SPIDR: variants seen among roughly 807,000 people sequenced by gnomAD.
The protein encoded by SPIDR is scaffold protein involved in DNA repair, also known as DNA repair-scaffolding protein.
In SPIDR, 93 loss-of-function variants were observed where a neutral mutation model predicts 104.6. The ratio of observed to expected loss-of-function variants is 0.89; its 90% CI spans 0.75 to 1.06. The LOEUF (loss-of-function observed/expected upper bound fraction) is 1.06. Ranked by LOEUF, SPIDR falls within the 50% of genes least tolerant of loss-of-function variation. The probability of loss-of-function intolerance (pLI) is 0.00; values close to 1 mark genes in which losing one functional copy is unlikely to be tolerated. For synonymous variants in SPIDR, 431 were observed against 416.9 expected (o/e 1.03, Z -0.41); for missense variants, 1,154 against 1,111.2 (o/e 1.04, Z -0.55).
intron 11 of SPIDR, among the ~76,000 whole-genome samples, chr8:47,676,138 C>T (rs779966072): frequency 1.2e-4 from 18 of 152,216 alleles, no homozygotes; most frequent in Non-Finnish European, 2.2e-4. Flanking sequence ...TATAGCCATA[C>T]ATGTACCTAA....
chr8:47,297,205 T>A (rs2041014112), intron 5 of SPIDR, among the ~76,000 whole-genome samples: 2 of 152,190 alleles, frequency 1.3e-5, no homozygotes, highest in African/African-American at 4.8e-5. Context: ...CCTTTATTTC[T>A]TTCTCTTGCC....
At chr8:47,731,909 C>A (rs1233760390) in intron 19 of SPIDR, among the ~76,000 whole-genome samples, 2 of 152,220 alleles carry the variant, frequency 1.3e-5, no homozygotes, top group Non-Finnish European at 2.9e-5. Flanking sequence ...ATTAGAAACG[C>A]CCCTGTTTGA....
intron 11 of SPIDR, among the ~76,000 whole-genome samples, chr8:47,694,472 A>T (rs1337532857): frequency 6.6e-6 from 1 of 152,188 alleles, no homozygotes; most frequent in Non-Finnish European, 1.5e-5. Context: ...AAAAAAATAA[A>T]AATGAATGAG....
At chr8:47,464,881 G>T (rs2074526721) in intron 8 of SPIDR, among the ~76,000 whole-genome samples, 1 of 152,020 alleles carries the variant, frequency 6.6e-6, no homozygotes, top group Non-Finnish European at 1.5e-5. Flanking sequence ...TGATTCTCCT[G>T]CCTCAGCCTC....
At chr8:47,283,433 A>G (rs2038207849) in intron 2 of SPIDR, among the ~76,000 whole-genome samples, 1 of 152,232 alleles carries the variant, frequency 6.6e-6, no homozygotes, top group South Asian at 2.1e-4. Context: ...ATCACAGACC[A>G]TCATAGCAGA....
chr8:47,528,253 C>T (rs952781047), intron 8 of SPIDR: 10 of 152,230 alleles, frequency 6.6e-5, no homozygotes, highest in South Asian at 4.1e-4. Flanking sequence ...CCTAGAAGTC[C>T]AGCATCTGCT....
chr8:47,462,084 G>C (rs937178303), intron 8 of SPIDR, among the ~76,000 whole-genome samples: 1 of 152,118 alleles, frequency 6.6e-6, no homozygotes, highest in Non-Finnish European at 1.5e-5. Flanking sequence ...CTAGTGTTCA[G>C]ATTCTTTTGT....
intron 8 of SPIDR, among the ~76,000 whole-genome samples, chr8:47,496,323 G>GT (rs769359914): frequency 6.6e-6 from 1 of 152,170 alleles, no homozygotes; most frequent in East Asian, 1.9e-4. Context: ...TCTGATGTTA[G>GT]TTGTAGGGCT....
At chr8:47,327,365 C>A (rs1554600970) in intron 5 of SPIDR, among the ~76,000 whole-genome samples, 1 of 148,278 alleles carries the variant, frequency 6.7e-6, no homozygotes. Flanking sequence ...CAAATGTTTT[C>A]TCATATTCAG....
At chr8:47,381,646 T>C (rs966773446) in intron 5 of SPIDR, among the ~76,000 whole-genome samples, 2 of 152,136 alleles carry the variant, frequency 1.3e-5, no homozygotes, top group South Asian at 4.1e-4. Flanking sequence ...TGGTCAGTAA[T>C]TGGGTGGGAG....
intron 8 of SPIDR, among the ~76,000 whole-genome samples, chr8:47,451,560 G>A (rs1554706003): frequency 6.8e-6 from 1 of 146,908 alleles, no homozygotes; most frequent in Non-Finnish European, 1.5e-5. Context: ...CAGCCTAGGC[G>A]ACATTGTGAA....
intron 5 of SPIDR, among the ~76,000 whole-genome samples, chr8:47,343,659 A>G (rs1554615433): frequency 1.3e-5 from 2 of 152,158 alleles, no homozygotes; most frequent in Non-Finnish European, 2.9e-5. Context: ...CATGGGTTTT[A>G]TACTCTAGGG....
At chr8:47,506,603 C>A (rs1266515891) in intron 8 of SPIDR, among the ~76,000 whole-genome samples, 2 of 152,072 alleles carry the variant, frequency 1.3e-5, no homozygotes, top group Non-Finnish European at 2.9e-5. Flanking sequence ...ACTTGCCACA[C>A]CGAGAGAGGA....
chr8:47,508,429 T>A (rs892967519), intron 8 of SPIDR, among the ~76,000 whole-genome samples: 4 of 152,234 alleles, frequency 2.6e-5, no homozygotes, highest in Admixed American at 2.6e-4. Flanking sequence ...TATAATCCAC[T>A]GTCATTCTCA....
intron 16 of SPIDR, among the ~76,000 whole-genome samples, chr8:47,721,708 C>T (rs1228218463): frequency 6.6e-6 from 1 of 152,130 alleles, no homozygotes; most frequent in Non-Finnish European, 1.5e-5. Flanking sequence ...ATCTCCTGAC[C>T]TCGTGATCCA....
intron 11 of SPIDR, among the ~76,000 whole-genome samples, chr8:47,685,248 C>A (rs1010475899): frequency 1.3e-5 from 2 of 152,028 alleles, no homozygotes; most frequent in African/African-American, 4.8e-5. Flanking sequence ...AATGGAAGAT[C>A]AGCTGATATG....
chr8:47,431,852 G>A (rs1554689567), intron 7 of SPIDR, among the ~76,000 whole-genome samples: 1 of 152,166 alleles, frequency 6.6e-6, no homozygotes, highest in South Asian at 2.1e-4. Context: ...ATTCATCATT[G>A]CCAGATGACT....
rs2061267771 is a variant in SPIDR at position 47,396,539 on chromosome 8, C to T, written c.689C>T (p.Ser230Leu). ...AGACTGATAGATCCAAGGACAAAATCAACAGAGACCATTTTGCATACACCT... is the reference window on the plus strand; with the variant it reads ...AGACTGATAGATCCAAGGACAAAATTAACAGAGACCATTTTGCATACACCT... Reference protein sequence around the residue: ...MERLIDPRTKSTETILHTPQK... With the variant: ...MERLIDPRTKLTETILHTPQK... Residue 230 changes from serine (S) to leucine (L), a missense_variant, in exon 6 of 20, where the codon TCA (serine) becomes TTA (leucine). Ser to Leu is a moderately radical substitution (Grantham distance 145). Coordinates refer to ENST00000297423, the MANE Select transcript of SPIDR (RefSeq NM_001080394.4). 7 of 1,614,088 alleles carry T rather than the reference C, an allele frequency of 4.3e-6. No homozygotes were observed. Among genetic ancestry groups the T allele is most frequent in the Non-Finnish European group, 5.1e-6 (6 of 1,180,002 alleles).
At chr8:47,472,690 C>T (rs2075866812) in intron 8 of SPIDR, among the ~76,000 whole-genome samples, 1 of 152,134 alleles carries the variant, frequency 6.6e-6, no homozygotes, top group African/African-American at 2.4e-5. Context: ...ACATCACTGA[C>T]CTCAAAATAA....
Sources: allele counts gnomAD v4.1 joint callset (sites outside exome capture counted in the v4.1 genomes callset), GRCh38; gene constraint gnomAD v4.1.1; transcripts MANE v1.5; gene names NCBI Gene and HGNC (gene_info 2026-07-23, HGNC 2026-07-21).